Variants in NAALADL2 observed in about 807,000 individuals in gnomAD.
NAALADL2 encodes the protein N-acetylated alpha-linked acidic dipeptidase like 2, also known as inactive N-acetylated-alpha-linked acidic dipeptidase-like protein 2.
A neutral mutation model predicts 87.2 loss-of-function variants in NAALADL2; 76 were observed. That is an observed-to-expected ratio of 0.87 (90% CI 0.72 to 1.05). The LOEUF (loss-of-function observed/expected upper bound fraction) is 1.05. Among genes scored for constraint, NAALADL2 ranks in the 50% least tolerant of loss-of-function variants. The pLI, the probability that NAALADL2 is intolerant of heterozygous loss-of-function variation, is 0.00. For missense variants in NAALADL2, 1,089 were observed against 945.8 expected (o/e 1.15, Z -1.99); for synonymous variants, 354 against 331.0 (o/e 1.07, Z -0.75).
intron 11 of NAALADL2, among the ~76,000 whole-genome samples, chr3:175,723,802 G>T (rs147246486): frequency 6.6e-6 from 1 of 152,084 alleles, no homozygotes; most frequent in African/African-American, 2.4e-5. Context: ...TTGACTTAGT[G>T]TTAGGATCAG....
At chr3:175,520,368 G>A (rs1296632190) in intron 9 of NAALADL2, among the ~76,000 whole-genome samples, 1 of 140,038 alleles carries the variant, frequency 7.1e-6, no homozygotes, top group African/African-American at 2.7e-5. Context: ...GTGCAATCTC[G>A]GCTCACTGCA....
intron 5 of NAALADL2, among the ~76,000 whole-genome samples, chr3:175,379,424 G>A (rs1767526041): frequency 6.6e-6 from 1 of 151,882 alleles, no homozygotes; most frequent in Non-Finnish European, 1.5e-5. Context: ...GTTTCTGGGT[G>A]GAAAGCTTTA....
At chr3:175,170,454 AAATAT>A (rs1237375779) in intron 2 of NAALADL2, among the ~76,000 whole-genome samples, 15 of 146,978 alleles carry the variant, frequency 1.0e-4, no homozygotes, top group South Asian at 8.4e-4. Context: ...ATATATAAAT[AAATAT>A]AATATATATA....
rs1253683786 is a variant in NAALADL2, at chr3:175,755,324, G to A, written c.2095G>A (p.Glu699Lys). The change falls in exon 13 of 14, where the codon GAG (glutamate) becomes AAG (lysine). Residue 699 changes from glutamate (E) to lysine (K), a missense_variant. Transcript: ENST00000454872. ...GATGCGACCTGCTAATGATCCCAAG[G>A]AGAGAGCACCCATCCGCATCCGGAT... ...DEMRPANDPK[E>K]RAPIRIRMLN... is the part of the protein sequence containing the mutation. 6.2e-7 allele frequency: 1 copy of A among 1,613,418 alleles called. No individual in the cohort carries two copies. Among genetic ancestry groups the A allele is most frequent in the African/African-American group, 1.3e-5 (1 of 74,878 alleles).
intron 1 of NAALADL2, among the ~76,000 whole-genome samples, chr3:174,979,329 G>C (rs113265876): frequency 2.7e-5 from 3 of 113,120 alleles, no homozygotes; most frequent in African/African-American, 1.2e-4. Context: ...TTTTTGAGAC[G>C]GAGTCTCGCT....
chr3:175,106,496 G>A (rs193009814), intron 2 of NAALADL2, among the ~76,000 whole-genome samples: 33 of 151,784 alleles, frequency 2.2e-4, no homozygotes, highest in Middle Eastern at 3.4e-3. Flanking sequence ...GATCTTATTC[G>A]TTCCAAAAAA....
At chr3:174,898,760 A>G (rs1731935181) in intron 1 of NAALADL2, among the ~76,000 whole-genome samples, 1 of 151,340 alleles carries the variant, frequency 6.6e-6, no homozygotes, top group Non-Finnish European at 1.5e-5. Flanking sequence ...ACCTTCAATA[A>G]TTAGATAAAA....
intron 2 of NAALADL2, among the ~76,000 whole-genome samples, chr3:174,623,908 C>A (rs967193113): frequency 1.3e-5 from 2 of 151,300 alleles, no homozygotes; most frequent in African/African-American, 4.8e-5. Flanking sequence ...AAGTGCAATC[C>A]ATCCAAAGTT....
intron 10 of NAALADL2, among the ~76,000 whole-genome samples, chr3:175,607,266 T>G (rs1211046560): frequency 1.3e-5 from 2 of 152,312 alleles, no homozygotes; most frequent in Non-Finnish European, 2.9e-5. Flanking sequence ...AAAAAGAAAT[T>G]TATAATCTCA....
At chr3:175,601,532 T>C (rs1652305450) in intron 10 of NAALADL2, among the ~76,000 whole-genome samples, 2 of 152,194 alleles carry the variant, frequency 1.3e-5, no homozygotes, top group Admixed American at 6.5e-5. Context: ...CAGCAATATA[T>C]TGACATAAAG....
At chr3:175,048,137 T>G (rs768369858) in intron 1 of NAALADL2, among the ~76,000 whole-genome samples, 1 of 152,206 alleles carries the variant, frequency 6.6e-6, no homozygotes, top group Non-Finnish European at 1.5e-5. Flanking sequence ...AGCTACATTT[T>G]TTATTTCACT....
chr3:174,457,947 G>A (rs1472764683), intron 1 of NAALADL2, among the ~76,000 whole-genome samples: 1 of 152,208 alleles, frequency 6.6e-6, no homozygotes, highest in Non-Finnish European at 1.5e-5. Flanking sequence ...ATGAGAACAC[G>A]TGGACACATA....
At chr3:175,504,078 C>A (rs1729928725) in intron 9 of NAALADL2, among the ~76,000 whole-genome samples, 1 of 152,132 alleles carries the variant, frequency 6.6e-6, no homozygotes, top group South Asian at 2.1e-4. Context: ...ACATTTAAGT[C>A]TTTAATGCAT....
chr3:175,109,829 A>G (rs752392413), intron 2 of NAALADL2, among the ~76,000 whole-genome samples: 1 of 151,838 alleles, frequency 6.6e-6, no homozygotes, highest in Admixed American at 6.6e-5. Flanking sequence ...AACAATAACA[A>G]AACAAACGAA....
intron 5 of NAALADL2, among the ~76,000 whole-genome samples, chr3:175,371,783 C>T (rs1423761629): frequency 6.6e-6 from 1 of 151,562 alleles, no homozygotes; most frequent in African/African-American, 2.4e-5. Context: ...AAGATCATGC[C>T]ACTGCCCTCC....
chr3:174,878,440 A>G (rs3860556), intron 1 of NAALADL2, among the ~76,000 whole-genome samples: 31,607 of 152,018 alleles, frequency 0.21, 4,739 homozygotes, highest in African/African-American at 0.42. Flanking sequence ...CTGCGTGAGC[A>G]ACTATGTTGC....
intron 5 of NAALADL2, among the ~76,000 whole-genome samples, chr3:175,357,633 A>G (rs1764537476): frequency 6.6e-6 from 1 of 152,172 alleles, no homozygotes; most frequent in South Asian, 2.1e-4. Context: ...AATATATGCA[A>G]CAAACACACA....
intron 1 of NAALADL2, among the ~76,000 whole-genome samples, chr3:174,533,686 G>T (rs1721455285): frequency 6.6e-6 from 1 of 151,054 alleles, no homozygotes; most frequent in East Asian, 1.9e-4. Flanking sequence ...CGATTACAGT[G>T]TATGTCACTT....
intron 11 of NAALADL2, among the ~76,000 whole-genome samples, chr3:175,632,016 A>G (rs935400471): frequency 7.9e-5 from 12 of 152,060 alleles, no homozygotes; most frequent in Non-Finnish European, 1.3e-4. Context: ...AATAAATTAT[A>G]TCATATTAAA....
Sources: gnomAD v4.1 joint callset for allele counts (sites outside exome capture counted in the v4.1 genomes callset) on GRCh38, gnomAD v4.1.1 for gene constraint, MANE v1.5 for transcripts, NCBI Gene and HGNC (gene_info 2026-07-23, HGNC 2026-07-21) for gene names.